The following CHL1 variants were observed in gnomAD, a reference collection of about 807,000 sequenced individuals.
CHL1 encodes cell adhesion molecule L1 like, also known as neural cell adhesion molecule L1-like protein.
In CHL1, 96 loss-of-function variants were observed where a neutral mutation model predicts 141.9. That is an observed-to-expected ratio of 0.68 (90% CI 0.57 to 0.80). The LOEUF (loss-of-function observed/expected upper bound fraction) is 0.80, where lower values mean the gene tolerates loss of function less well. Among genes scored for constraint, CHL1 ranks in the 30% least tolerant of loss-of-function variants. The pLI is 0.00. For missense variants in CHL1, 1,820 were observed against 1,457.2 expected, an observed-to-expected ratio of 1.25 and a Z score of -4.05; for synonymous variants, 613 against 502.2, an observed-to-expected ratio of 1.22 and a Z score of -2.95.
At chr3:384,111 A>G (rs1309383916) in intron 19 of CHL1, among the ~76,000 whole-genome samples, 1 of 152,204 alleles carries the variant, frequency 6.6e-6, no homozygotes, top group Non-Finnish European at 1.5e-5. Flanking sequence ...AAGATTATAC[A>G]GATTGATTTA....
At chr3:259,705 G>T (rs1028078395) in intron 2 of CHL1, among the ~76,000 whole-genome samples, 1 of 151,958 alleles carries the variant, frequency 6.6e-6, no homozygotes, top group African/African-American at 2.4e-5. Context: ...ATGAAAGGAG[G>T]TACTTTGTTT....
chr3:313,893 C>A (rs938889605), intron 2 of CHL1, among the ~76,000 whole-genome samples: 5 of 152,074 alleles, frequency 3.3e-5, no homozygotes, highest in Admixed American at 1.3e-4. Flanking sequence ...AATGGGCTTA[C>A]ATTTTCTTTA....
At position 281,598 on chromosome 3, in the gene CHL1, C is replaced by T. The variant is rs544822337; in HGVS notation, c.-95+36906C>T. Among the ~76,000 whole-genome samples the T allele has an allele frequency of 8.1e-5, 12 of 148,306 alleles. 1 individual carries two copies. The South Asian group carries it at 1.7e-3, about 21-fold the overall frequency. ...TTTTTGAGACAAAGTCCCACTCTGTCGCCCAGGCTGGAATGCAGTGGCACA... is the reference window on the plus strand; with the variant it reads ...TTTTTGAGACAAAGTCCCACTCTGTTGCCCAGGCTGGAATGCAGTGGCACA... On this transcript the variant is annotated intron_variant, in intron 2 of 27. Transcript: ENST00000256509.
At chr3:284,362 C>T (rs956733899) in intron 2 of CHL1, among the ~76,000 whole-genome samples, 1 of 152,072 alleles carries the variant, frequency 6.6e-6, no homozygotes, top group Non-Finnish European at 1.5e-5. Flanking sequence ...GAGGTTTATG[C>T]TAGGAGTGCA....
intron 5 of CHL1, among the ~76,000 whole-genome samples, chr3:333,202 C>A (rs555343465): frequency 2.8e-4 from 37 of 132,788 alleles, no homozygotes; most frequent in Non-Finnish European, 4.8e-4. Flanking sequence ...CATTTCCAGC[C>A]TCTCCTGAAA....
intron 9 of CHL1, among the ~76,000 whole-genome samples, chr3:345,268 G>C (rs942234053): frequency 2.2e-4 from 34 of 151,940 alleles, no homozygotes; most frequent in Non-Finnish European, 4.3e-4. Flanking sequence ...CCCCACTCCT[G>C]TTTGCTATGT....
chr3:297,096 C>T (rs200070839), intron 2 of CHL1, among the ~76,000 whole-genome samples: 11 of 151,904 alleles, frequency 7.2e-5, no homozygotes, highest in South Asian at 2.1e-4. Flanking sequence ...CATGGTGGTG[C>T]GCACCTGTAG....
Position 337,959 on chromosome 3 carries a change from T to G in CHL1, c.386-2835T>G, listed in dbSNP as rs560479424. On this transcript the variant is annotated intron_variant, in intron 5 of 27. Transcript: ENST00000256509. The stretch of plus-strand genomic sequence containing the variant: ...TGAGGAATAACACTGTCTTCCACAA[T>G]GGTTGAACCAGTTTACAGTCCCACC... Among the ~76,000 whole-genome samples, 25 of 152,320 alleles carry G rather than the reference T, an allele frequency of 1.6e-4. No individual in the cohort carries two copies. In the East Asian group the frequency reaches 4.4e-3, roughly 27 times the overall value.
At chr3:403,403 A>G (rs1389662321) in intron 27 of CHL1, among the ~76,000 whole-genome samples, 1 of 152,172 alleles carries the variant, frequency 6.6e-6, no homozygotes, top group Non-Finnish European at 1.5e-5. Context: ...TACAAATTCC[A>G]TGAGGCAATG....
chr3:363,225 T>A lies in CHL1; in HGVS notation c.1427T>A (p.Val476Glu). Residue 476 changes from valine to glutamate, a missense_variant, in exon 14 of 28, where the codon GTG (valine) becomes GAG (glutamate). By Grantham distance (121) the Val-to-Glu change is moderately radical (BLOSUM62 -2). Transcript: ENST00000256509. ...SPEAVVSWQK[V>E]EEVKPLEGRR... The stretch of plus-strand genomic sequence containing the variant: ...GCTTTCTTTGTCCATAGGCAGAAGG[T>A]GGAAGAAGTGAAACCCCTGGAGGGC... 6.2e-7 allele frequency: 1 copy of A among 1,608,916 alleles called. No individual in the cohort carries two copies. Among genetic ancestry groups the A allele is most frequent in the Non-Finnish European group, 8.5e-7 (1 of 1,178,332 alleles).
In CHL1 at chr3:408,259, A is replaced by C. The variant is rs964438860; in HGVS notation, c.*2548A>C. On this transcript the variant is annotated 3_prime_UTR_variant, in exon 28 of 28. Transcript: ENST00000256509. ...TAAAACTTTGTTCGTTACTGGCTTT[A>C]CCCTAACTTTCTCTAGTCTACTGTC... 14 of 152,102 alleles carry C rather than the reference A, an allele frequency of 9.2e-5. No homozygotes were observed. The highest frequency in any genetic ancestry group is 3.1e-4 in the African/African-American group (13 of 41,438). The allele number at this position is 152,102 out of a possible 1,614,324, so 9.4% of individuals were successfully genotyped here. A position where few individuals can be genotyped will look rare whatever the true frequency, so the allele number is the denominator to read the frequency against.
In CHL1 at chr3:343,160, G is replaced by A. The variant is rs926971626; in HGVS notation, c.727+129G>A. 7.4e-6 allele frequency: 5 copies of A among 671,288 alleles called. No homozygotes were observed. The African/African-American group carries it at 9.3e-5, about 13-fold the overall frequency. 41.6% of individuals were successfully genotyped at this position (671,288 alleles called of 1,614,324 possible). A position where few individuals can be genotyped will look rare whatever the true frequency, so the allele number is the denominator to read the frequency against. ...TTATTATGAAAAACATCTGAACTTAGAGGGTTCTATTGCCCCCCATGCCCT... is the reference window on the plus strand; with the variant it reads ...TTATTATGAAAAACATCTGAACTTAAAGGGTTCTATTGCCCCCCATGCCCT... On this transcript the variant is annotated intron_variant, in intron 8 of 27. Coordinates refer to ENST00000256509, the MANE Select transcript of CHL1 (RefSeq NM_006614.4).
chr3:276,857 C>G (rs371543256), intron 2 of CHL1, among the ~76,000 whole-genome samples: 1 of 142,334 alleles, frequency 7.0e-6, no homozygotes, highest in South Asian at 2.3e-4. Context: ...CCACTGCACT[C>G]CAGCCTGGGT....
intron 3 of CHL1, among the ~76,000 whole-genome samples, chr3:321,116 A>G (rs1354458597): frequency 6.6e-6 from 1 of 152,096 alleles, no homozygotes; most frequent in Non-Finnish European, 1.5e-5. Flanking sequence ...AATATAATGT[A>G]TTTAAAAACT....
intron 2 of CHL1, among the ~76,000 whole-genome samples, chr3:293,703 T>C (rs1349435504): frequency 1.3e-5 from 2 of 152,182 alleles, no homozygotes; most frequent in African/African-American, 4.8e-5. Flanking sequence ...AGATTCCAAA[T>C]GATGATTGTG....
chr3:336,694 C>G (rs1033433110), intron 5 of CHL1, among the ~76,000 whole-genome samples: 2 of 152,128 alleles, frequency 1.3e-5, no homozygotes, highest in African/African-American at 4.8e-5. Context: ...GTAGGATATC[C>G]TATAGATATA....
At position 382,289 on chromosome 3, in the gene CHL1, A is replaced by G. The variant is rs1448755905; in HGVS notation, c.1978+9A>G. 2 of 1,608,400 alleles carry G rather than the reference A, an allele frequency of 1.2e-6. No homozygotes were observed. The highest frequency in any genetic ancestry group is 2.7e-5 in the African/African-American group (2 of 74,778). On this transcript the variant is annotated intron_variant, in intron 17 of 27. Transcript: ENST00000256509. The stretch of plus-strand genomic sequence containing the variant: ...CAACAGCAATATTAGCGGTAGGAAG[A>G]CTTGGGATAACTGTTTTCATTACTC...
chr3:219,081 G>A (rs1700588941), intron 1 of CHL1, among the ~76,000 whole-genome samples: 1 of 151,878 alleles, frequency 6.6e-6, no homozygotes, highest in African/African-American at 2.4e-5. Flanking sequence ...CCCGGGAGGT[G>A]GAGCTTGCAG....
chr3:202,126 C>T (rs1158994945), intron 1 of CHL1, among the ~76,000 whole-genome samples: 1 of 152,156 alleles, frequency 6.6e-6, no homozygotes, highest in Non-Finnish European at 1.5e-5. Flanking sequence ...GTTGACCTCT[C>T]TAAGACTAGT....
Sources: allele counts gnomAD v4.1 joint callset (sites outside exome capture counted in the v4.1 genomes callset), GRCh38; gene constraint gnomAD v4.1.1; transcripts MANE v1.5; gene names NCBI Gene and HGNC (gene_info 2026-07-23, HGNC 2026-07-21).